The following CLSTN2 variants were observed in gnomAD, a reference collection of about 807,000 sequenced individuals.
The protein encoded by CLSTN2 is calsyntenin 2, also known as calsyntenin-2.
CLSTN2 carries 48 observed loss-of-function variants against 101.2 expected under a neutral mutation model. The observed-to-expected ratio is 0.47, with a 90% confidence interval of 0.38 to 0.60. The LOEUF (loss-of-function observed/expected upper bound fraction) is 0.60, where lower values mean the gene tolerates loss of function less well. CLSTN2 is among the 20% of genes least tolerant of loss of function. The pLI, the probability that CLSTN2 is intolerant of heterozygous loss-of-function variation, is 0.00. For missense variants in CLSTN2, 1,160 were observed against 1,238.2 expected (o/e 0.94, Z 0.95); for synonymous variants, 481 against 463.6 (o/e 1.04, Z -0.48).
intron 2 of CLSTN2, among the ~76,000 whole-genome samples, chr3:140,371,153 A>G (rs2087851674): frequency 6.6e-6 from 1 of 152,194 alleles, no homozygotes; most frequent in Non-Finnish European, 1.5e-5. Context: ...GCTAACAGAT[A>G]AAGGGAGCCA....
At chr3:140,410,170 T>C (rs1269845948) in intron 4 of CLSTN2, among the ~76,000 whole-genome samples, 1 of 152,034 alleles carries the variant, frequency 6.6e-6, no homozygotes, top group Non-Finnish European at 1.5e-5. Flanking sequence ...TGGAGAGAGA[T>C]ATGGACATCT....
At chr3:139,952,927 A>G (rs1166225719) in intron 1 of CLSTN2, among the ~76,000 whole-genome samples, 1 of 152,122 alleles carries the variant, frequency 6.6e-6, no homozygotes, top group Non-Finnish European at 1.5e-5. Flanking sequence ...CCCTTCACCA[A>G]GGGTGGTCAC....
chr3:140,348,777 G>C (rs1382985212), intron 2 of CLSTN2, among the ~76,000 whole-genome samples: 1 of 152,158 alleles, frequency 6.6e-6, no homozygotes, highest in African/African-American at 2.4e-5. Flanking sequence ...CTGTACTGGA[G>C]GAAATTCCTT....
intron 5 of CLSTN2, among the ~76,000 whole-genome samples, chr3:140,431,275 C>T (rs1015671615): frequency 6.6e-6 from 1 of 152,176 alleles, no homozygotes; most frequent in African/African-American, 2.4e-5. Flanking sequence ...TCAGATACTA[C>T]TTGCCTGAAA....
chr3:139,972,481 G>C (rs934712752), intron 1 of CLSTN2, among the ~76,000 whole-genome samples: 2 of 152,154 alleles, frequency 1.3e-5, no homozygotes, highest in African/African-American at 4.8e-5. Context: ...AGGCCACGGA[G>C]CCAGACAGTG....
intron 2 of CLSTN2, among the ~76,000 whole-genome samples, chr3:140,293,181 GA>G (rs2107904769): frequency 6.6e-6 from 1 of 152,334 alleles, no homozygotes; most frequent in East Asian, 1.9e-4. Flanking sequence ...AAGTGGATTT[GA>G]AAGAGGTATT....
rs111720072 is a variant in CLSTN2 at position 140,339,309 on chromosome 3, T to TTC, written c.233-64302_233-64301dup. ...GGGTAGAAGAATGCTAGCAGACTGA[T>TTC]TCTCTCTCTCTCTCTCTCTTCCCCA... is the stretch of plus-strand genomic sequence containing the variant. On this transcript the variant is annotated intron_variant, in intron 2 of 16. Coordinates refer to ENST00000458420, the MANE Select transcript of CLSTN2 (RefSeq NM_022131.3). 2.0e-3 allele frequency among the ~76,000 whole-genome samples: 302 copies of TTC among 150,014 alleles called. 1 individual carries two copies. The highest frequency in any genetic ancestry group is 6.1e-3 in the African/African-American group (251 of 41,160).
chr3:140,241,095 T>C (rs116265323), intron 2 of CLSTN2, among the ~76,000 whole-genome samples: 2,799 of 152,252 alleles, frequency 0.018, 83 homozygotes, highest in African/African-American at 0.064. Context: ...ATGCTTTCTG[T>C]TCTTAATATT....
chr3:140,034,889 G>A (rs1404274474), intron 1 of CLSTN2, among the ~76,000 whole-genome samples: 1 of 152,166 alleles, frequency 6.6e-6, no homozygotes, highest in Non-Finnish European at 1.5e-5. Flanking sequence ...ACCCCAGATT[G>A]CACAAGAGGT....
At chr3:140,370,369 GC>G (rs1448898269) in intron 2 of CLSTN2, among the ~76,000 whole-genome samples, 2 of 152,200 alleles carry the variant, frequency 1.3e-5, no homozygotes, top group Non-Finnish European at 2.9e-5. Context: ...TGGGGTCTCT[GC>G]CTGTACCACC....
chr3:140,012,425 G>A (rs952661598), intron 1 of CLSTN2, among the ~76,000 whole-genome samples: 18 of 152,276 alleles, frequency 1.2e-4, no homozygotes, highest in African/African-American at 4.1e-4. Context: ...TGGCGATGCC[G>A]TCAAGGTCCC....
chr3:139,969,422 T>C (rs149543921), intron 1 of CLSTN2, among the ~76,000 whole-genome samples: 3 of 152,306 alleles, frequency 2.0e-5, no homozygotes, highest in Non-Finnish European at 2.9e-5. Context: ...CAGTAGACCT[T>C]GAGTGCCTCC....
At chr3:140,236,511 G>T (rs974906196) in intron 2 of CLSTN2, among the ~76,000 whole-genome samples, 1 of 151,964 alleles carries the variant, frequency 6.6e-6, no homozygotes, top group African/African-American at 2.4e-5. Context: ...TTGGCTCATG[G>T]TTTTCATCAA....
chr3:140,435,391 C>T (rs2088675127), intron 5 of CLSTN2, among the ~76,000 whole-genome samples: 1 of 152,124 alleles, frequency 6.6e-6, no homozygotes, highest in Non-Finnish European at 1.5e-5. Flanking sequence ...TTGCAAATAA[C>T]CGGATCTCAT....
chr3:140,024,688 G>A (rs191454882), intron 1 of CLSTN2, among the ~76,000 whole-genome samples: 260 of 152,262 alleles, frequency 1.7e-3, no homozygotes, highest in African/African-American at 5.8e-3. Context: ...TGGTTTGACT[G>A]ATGGAGAACT....
intron 2 of CLSTN2, among the ~76,000 whole-genome samples, chr3:140,337,499 A>G (rs1048834805): frequency 6.6e-6 from 1 of 152,230 alleles, no homozygotes; most frequent in African/African-American, 2.4e-5. Context: ...TTTCTACTTA[A>G]TCACCTGCAA....
At chr3:140,495,352 C>T (rs1934443198) in intron 8 of CLSTN2, among the ~76,000 whole-genome samples, 1 of 152,030 alleles carries the variant, frequency 6.6e-6, no homozygotes, top group Non-Finnish European at 1.5e-5. Context: ...CTTGTAGGCT[C>T]TGGGTATTAG....
intron 15 of CLSTN2, 22 bp from the exon 16 acceptor site, chr3:140,563,939 G>A: frequency 1.9e-6 from 3 of 1,611,134 alleles, no homozygotes; most frequent in South Asian, 2.2e-5. Flanking sequence ...ACCATGTCAT[G>A]CGAGTTTTTT....
intron 1 of CLSTN2, among the ~76,000 whole-genome samples, chr3:140,166,325 G>C (rs1048759583): frequency 3.3e-5 from 5 of 152,216 alleles, no homozygotes; most frequent in Admixed American, 3.3e-4. Flanking sequence ...CAGATCAGAA[G>C]AGGAAGTTGA....
Sources: gnomAD v4.1 joint callset for allele counts (sites outside exome capture counted in the v4.1 genomes callset) on GRCh38, gnomAD v4.1.1 for gene constraint, MANE v1.5 for transcripts, NCBI Gene and HGNC (gene_info 2026-07-23, HGNC 2026-07-21) for gene names.